The following PLEC variants were observed in gnomAD, a reference collection of about 807,000 sequenced individuals.
PLEC encodes the protein plectin.
Under a neutral mutation model 392.8 loss-of-function variants are expected in PLEC, and 216 were observed. That is an observed-to-expected ratio of 0.55 (90% confidence interval 0.49 to 0.62). The LOEUF (loss-of-function observed/expected upper bound fraction) is 0.62. PLEC is among the 20% of genes least tolerant of loss of function. The pLI, the probability that PLEC is intolerant of heterozygous loss-of-function variation, is 0.00. For synonymous variants in PLEC, 3,621 were observed against 2,980.6 expected, an observed-to-expected ratio of 1.21 and a Z score of -7.00; for missense variants, 6,863 against 6,563.4, an observed-to-expected ratio of 1.05 and a Z score of -1.58.
rs1212728632 is a variant in PLEC, at chr8:143,923,271, C to T, written c.6658G>A (p.Ala2220Thr). 1.4e-5 allele frequency: 22 copies of T among 1,606,682 alleles called. No homozygotes were observed. The highest frequency in any genetic ancestry group is 1.6e-4 in the Middle Eastern group (1 of 6,084). The change falls in exon 31 of 32, where the codon GCA becomes ACA. Residue 2220 changes from alanine to threonine, a missense_variant. Coordinates refer to ENST00000345136, the MANE Select transcript of PLEC (RefSeq NM_201384.3). ...QRLKAEATEA[A>T]RQRSQVEEEL... ...TCCTCCACCTGGCTGCGCTGGCGTG[C>T]GGCCTCCGTGGCCTCCGCCTTCAGC...
chr8:143,969,521 C>T lies in PLEC; in HGVS notation c.70+3882G>A, dbSNP rs367859933. 7.9e-4 allele frequency among the ~76,000 whole-genome samples: 120 copies of T among 152,332 alleles called. 1 individual carries two copies. The East Asian group carries it at 9.3e-3, about 12-fold the overall frequency. On this transcript the variant is annotated intron_variant, in intron 1 of 31. Coordinates refer to the PLEC transcript ENST00000356346. The surrounding 1 kb of genome is among the most constrained non-coding windows in gnomAD (Gnocchi z 5.1). ...TGACAGCTCATAGAGGCTGGGCCGT[C>T]CTGCCACACCATGGGAGCCTGGAGA... is the stretch of plus-strand genomic sequence containing the variant.
upstream of PLEC, among the ~76,000 whole-genome samples, chr8:143,953,134 C>T (rs1176639086): frequency 2.6e-5 from 4 of 151,290 alleles, no homozygotes; most frequent in Non-Finnish European, 5.9e-5. Flanking sequence ...GGAACCGAAG[C>T]GGGAGCTGAT....
upstream of PLEC, among the ~76,000 whole-genome samples, chr8:143,941,559 G>T (rs1044655309): frequency 6.6e-6 from 1 of 151,984 alleles, no homozygotes; most frequent in African/African-American, 2.4e-5. Flanking sequence ...CTGGGGGCTC[G>T]GTCAGGGGCC....
chr8:143,950,495 T>C (rs782669769), exon 1 of PLEC: 1 of 1,608,318 alleles, frequency 6.2e-7, no homozygotes, highest in African/African-American at 1.3e-5. Context: ...GAGGTACCAG[T>C]AAAAGTGGCA....
In PLEC at chr8:143,927,607, G is replaced by A. The variant is rs782050586; in HGVS notation, c.3559C>T (p.Arg1187Cys). 2.0e-5 allele frequency: 31 copies of A among 1,586,694 alleles called. No homozygotes were observed. Among genetic ancestry groups the A allele is most frequent in the Non-Finnish European group, 2.4e-5 (28 of 1,172,708 alleles). ...WRERVAQLLE[R>C]WQAVLAQTDV... ...GTCTGGGCCAGCACAGCCTGCCAGC[G>A]CTCAAGCAACTGGGCGACCCGCTCC... Residue 1187 changes from arginine (R) to cysteine (C), a missense_variant, in exon 27 of 32, where the codon CGC (arginine) becomes TGC (cysteine). Transcript: ENST00000345136.
intron 1 of PLEC, among the ~76,000 whole-genome samples, chr8:143,959,373 G>A (rs1408818360): frequency 2.0e-5 from 3 of 152,228 alleles, no homozygotes; most frequent in Non-Finnish European, 2.9e-5. Flanking sequence ...AGCACAAAAC[G>A]TGCTGGAATA....
Position 143,922,639 on chromosome 8 carries a change from CA to C in PLEC, c.7289del (p.Leu2430ArgfsTer235). ...TELATQEKVT[L>X]VQTLEIQRQQ... ...GTCGCTGGATCTCCAGTGTCTGCAC[CA>C]GGGTCACCTTCTCCTGGGTGGCGAG... On this transcript the variant is annotated frameshift_variant, in exon 31 of 32. Transcript: ENST00000345136. LOFTEE classifies it high-confidence loss of function. 1 of 1,613,606 alleles carries C rather than the reference CA, an allele frequency of 6.2e-7. No homozygotes were observed. Among genetic ancestry groups the C allele is most frequent in the Non-Finnish European group, 8.5e-7 (1 of 1,179,966 alleles).
intron 12 of PLEC, 32 bp from the exon 13 acceptor site, chr8:143,933,383 G>A (rs537433252): frequency 1.2e-6 from 2 of 1,604,416 alleles, no homozygotes; most frequent in African/African-American, 1.3e-5. Context: ...TCGGAGCACA[G>A]CTGATCCCCC....
upstream of PLEC, chr8:143,944,032 T>G: frequency 7.6e-7 from 1 of 1,314,324 alleles, no homozygotes; most frequent in Non-Finnish European, 1.0e-6. Flanking sequence ...GACCGCCCCA[T>G]ACGCGGCGGC....
chr8:143,935,102 T>C lies in PLEC; in HGVS notation c.734A>G (p.Gln245Arg). 6.2e-7 allele frequency: 1 copy of C among 1,612,956 alleles called. No individual in the cohort carries two copies. Among genetic ancestry groups the C allele is most frequent in the Non-Finnish European group, 8.5e-7 (1 of 1,179,948 alleles). Residue 245 changes from glutamine to arginine, a missense_variant, in exon 8 of 32, where the codon CAG (glutamine) becomes CGG (arginine). Transcript: ENST00000345136. ...GGTGATGATGGACTTCTCGTCGGGC[T>C]GAGGGACATCCACGTCTGCAGGGAA... is the stretch of plus-strand genomic sequence containing the variant. The part of the protein sequence containing the change: ...LLDPEDVDVP[Q>R]PDEKSIITYV...
intron 10 of PLEC, 41 bp from the exon 11 acceptor site, chr8:143,934,486 C>T (rs781817713): frequency 4.4e-6 from 7 of 1,608,232 alleles, no homozygotes; most frequent in Non-Finnish European, 5.1e-6. Flanking sequence ...AGGCAGGGGG[C>T]AGGGGGTGGG....
In PLEC at chr8:143,927,133, G is replaced by T. The variant is rs111637157; in HGVS notation, c.3841-52C>A. On this transcript the variant is annotated intron_variant, in intron 28 of 31. Coordinates refer to ENST00000345136, the MANE Select transcript of PLEC (RefSeq NM_201384.3). ...CCAGCTCTGCCCTCCGATGGCCCCT[G>T]CCCAGCCCCTAAACCCTCACATGGG... The T allele has an allele frequency of 3.6e-5, 56 of 1,559,226 alleles. 1 individual carries two copies. The African/African-American group carries it at 5.5e-4, about 15-fold the overall frequency.
chr8:143,950,559 G>C, exon 1 of PLEC: 2 of 1,608,136 alleles, frequency 1.2e-6, no homozygotes, highest in South Asian at 1.1e-5. Context: ...GCCATGGCAC[G>C]CATGACCTGC....
Position 143,921,477 on chromosome 8 carries a change from T to C in PLEC, c.8344A>G (p.Thr2782Ala), listed in dbSNP as rs782190805. 193 of 1,612,844 alleles carry C rather than the reference T, an allele frequency of 1.2e-4. No individual in the cohort carries two copies. The highest frequency in any genetic ancestry group is 1.6e-4 in the Non-Finnish European group (185 of 1,179,776). ...TGGAAGAGAGAGATCTGCTGGCCAG[T>C]GTAGGGGTCCTTGTAGCCAGTGACG... Reference protein sequence around the residue: ...RAVTGYKDPYTGQQISLFQAM... With the variant: ...RAVTGYKDPYAGQQISLFQAM... The change falls in exon 32 of 32, where the codon ACT (threonine) becomes GCT (alanine). Residue 2782 changes from threonine (T) to alanine (A), a missense_variant. Transcript: ENST00000345136.
rs1554701154 is a variant in PLEC, at chr8:143,925,192, C to G, written c.4737G>C (p.Gln1579His). Residue 1579 changes from glutamine (Q) to histidine (H), a missense_variant, in exon 31 of 32, where the codon CAG (glutamine) becomes CAC (histidine). Transcript: ENST00000345136. Reference protein sequence around the residue: ...TAQRSAEAELQSKRASFAEKT... With the variant: ...TAQRSAEAELHSKRASFAEKT... Reference sequence around the variant, plus strand: ...TCTCGGCGAAGGAGGCGCGTTTGCTCTGCAGCTCCGCCTCTGCACTGCGCT... The same window carrying G: ...TCTCGGCGAAGGAGGCGCGTTTGCTGTGCAGCTCCGCCTCTGCACTGCGCT... 6.3e-7 allele frequency: 1 copy of G among 1,583,270 alleles called. No homozygotes were observed. The highest frequency in any genetic ancestry group is 8.5e-7 in the Non-Finnish European group (1 of 1,173,108).
chr8:143,925,334 T>C lies in PLEC; in HGVS notation c.4595A>G (p.Gln1532Arg). Residue 1532 changes from glutamine to arginine, a missense_variant, in exon 31 of 32, where the codon CAG becomes CGG. Transcript: ENST00000345136. Reference sequence around the variant, plus strand: ...CTCCTCCAGGGCCTGCAGGGCCCGCTGCTTCTCGCGCGCCGCCTCGGCCTC... The same window carrying C: ...CTCCTCCAGGGCCTGCAGGGCCCGCCGCTTCTCGCGCGCCGCCTCGGCCTC... ...KAEAEAAREK[Q>R]RALQALEELR... 1 of 1,557,144 alleles carries C rather than the reference T, an allele frequency of 6.4e-7. No individual in the cohort carries two copies. The highest frequency in any genetic ancestry group is 8.6e-7 in the Non-Finnish European group (1 of 1,159,494).
intron 1 of PLEC, among the ~76,000 whole-genome samples, chr8:143,948,196 C>T (rs1318498119): frequency 6.6e-6 from 1 of 152,196 alleles, no homozygotes; most frequent in African/African-American, 2.4e-5. Context: ...TGCAGGGGTA[C>T]AGCTGGTGCT....
intron 25 of PLEC, among the ~76,000 whole-genome samples, chr8:143,928,361 G>A (rs1825980613): frequency 1.3e-5 from 2 of 152,392 alleles, no homozygotes; most frequent in Non-Finnish European, 2.9e-5. Flanking sequence ...GGGCGAAGGG[G>A]ACACCGGGGT....
In PLEC at chr8:143,938,360, G is replaced by A. The variant is rs568231822; in HGVS notation, c.175-120C>T. 833 of 1,535,682 alleles carry A rather than the reference G, an allele frequency of 5.4e-4. 11 individuals carry two copies. The South Asian group carries it at 6.4e-3, about 12-fold the overall frequency. ...GAAGGAGGCGGGGGCTGAGTCTCCC[G>A]GGAGCCCACGGAACACACCCTGCCC... On this transcript the variant is annotated intron_variant, in intron 2 of 31. Transcript: ENST00000345136.
Sources: gnomAD v4.1 joint callset for allele counts (sites outside exome capture counted in the v4.1 genomes callset) on GRCh38, gnomAD v4.1.1 for gene constraint, Gnocchi (gnomAD v3.1) non-coding constraint, MANE v1.5 for transcripts, NCBI Gene and HGNC (gene_info 2026-07-23, HGNC 2026-07-21) for gene names.